Variants in ODAD2 observed in about 807,000 individuals in gnomAD.
The protein encoded by ODAD2 is outer dynein arm docking complex subunit 2.
A neutral mutation model predicts 106.8 loss-of-function variants in ODAD2; 89 were observed. The observed-to-expected ratio is 0.83, with a 90% confidence interval of 0.70 to 0.99. ODAD2 has a LOEUF of 0.99. Among genes scored for constraint, ODAD2 ranks in the 50% least tolerant of loss-of-function variants. The pLI is 0.00. For synonymous variants in ODAD2, 404 were observed against 436.2 expected (o/e 0.93, Z 0.92); for missense variants, 1,168 against 1,238.5 (o/e 0.94, Z 0.85).
At chr10:27,825,591 G>A (rs1564400057) in intron 19 of ODAD2, among the ~76,000 whole-genome samples, 1 of 152,144 alleles carries the variant, frequency 6.6e-6, no homozygotes, top group Non-Finnish European at 1.5e-5. Context: ...AAAATGTTTT[G>A]GTTTGGTTGT....
At chr10:27,881,983 T>C (rs184474784) in intron 17 of ODAD2, among the ~76,000 whole-genome samples, 89 of 151,978 alleles carry the variant, frequency 5.9e-4, no homozygotes, top group African/African-American at 1.9e-3. Flanking sequence ...CTCGACAACA[T>C]GGTGAAACCC....
At chr10:27,925,365 A>G (rs1845183177) in intron 16 of ODAD2, among the ~76,000 whole-genome samples, 1 of 152,198 alleles carries the variant, frequency 6.6e-6, no homozygotes, top group South Asian at 2.1e-4. Flanking sequence ...CACTTTTTAA[A>G]AAATGTTTTT....
chr10:27,854,034 C>T (rs1208382228), intron 19 of ODAD2, among the ~76,000 whole-genome samples: 1 of 152,022 alleles, frequency 6.6e-6, no homozygotes, highest in East Asian at 1.9e-4. Flanking sequence ...CTCTCAAAAC[C>T]CAATGATAAG....
chr10:27,858,551 T>C (rs960935610), intron 19 of ODAD2, among the ~76,000 whole-genome samples: 1 of 152,220 alleles, frequency 6.6e-6, no homozygotes, highest in East Asian at 1.9e-4. Flanking sequence ...TTTCCTTCTT[T>C]GCTTTTTTCT....
intron 10 of ODAD2, chr10:27,959,103 A>C: frequency 1.1e-6 from 1 of 943,306 alleles, no homozygotes; most frequent in African/African-American, 1.7e-5. Context: ...TTGGGAGGCC[A>C]ATGTAGGAAG....
At chr10:27,904,269 C>G in intron 17 of ODAD2, 1 of 404,864 alleles carries the variant, frequency 2.5e-6, no homozygotes, top group Non-Finnish European at 5.0e-6. Flanking sequence ...GCACCAACCC[C>G]ACAAAGTGGC....
chr10:27,856,788 G>A (rs1839684468), intron 19 of ODAD2, among the ~76,000 whole-genome samples: 1 of 152,114 alleles, frequency 6.6e-6, no homozygotes, highest in Admixed American at 6.6e-5. Flanking sequence ...CCAACATGGT[G>A]AAACCCTGTC....
chr10:27,902,551 C>G (rs898166700), intron 17 of ODAD2, among the ~76,000 whole-genome samples: 1 of 151,816 alleles, frequency 6.6e-6, no homozygotes, highest in Non-Finnish European at 1.5e-5. Flanking sequence ...AGACTGCTAG[C>G]AAGACTAATA....
At chr10:27,867,207 T>G (rs559722361) in intron 17 of ODAD2, among the ~76,000 whole-genome samples, 2 of 152,158 alleles carry the variant, frequency 1.3e-5, no homozygotes, top group East Asian at 3.9e-4. Flanking sequence ...GAGGCATTTG[T>G]GAAGGTCTTG....
intron 17 of ODAD2, among the ~76,000 whole-genome samples, chr10:27,879,990 G>GAAT (rs1841593586): frequency 6.6e-6 from 1 of 152,132 alleles, no homozygotes. Context: ...TCCAGATGTG[G>GAAT]TCCGACAAGA....
intron 15 of ODAD2, 88 bp from the exon 16 acceptor site, chr10:27,935,340 C>A: frequency 1.4e-6 from 2 of 1,472,176 alleles, no homozygotes; most frequent in South Asian, 2.5e-5. Context: ...TTACAACAAC[C>A]CAATGATACA....
chr10:27,858,803 A>ATTTTTTT (rs9299592), intron 19 of ODAD2, among the ~76,000 whole-genome samples: 1 of 128,792 alleles, frequency 7.8e-6, no homozygotes, highest in Admixed American at 8.4e-5. Flanking sequence ...ACCTTAGTAC[A>ATTTTTTT]TTTTTTTTTT....
rs745364784 is a variant in ODAD2, at chr10:27,812,553, G to A, written c.3094C>T (p.Arg1032Cys). ...TTCTCTGTAGCAAGAGCCAGCCTGC[G>A]GATATTGGATATACAACCAGCTGCA... ...EAAAGCISNIRRLALATEKAR... is the reference protein window; with the variant it reads ...EAAAGCISNICRLALATEKAR... Residue 1032 changes from arginine to cysteine, a missense_variant, in exon 20 of 20, where the codon CGC (arginine) becomes TGC (cysteine). This residue lies in a region of ODAD2 where 701 missense variants were observed against 712.3 expected (regional missense o/e 0.98). Transcript: ENST00000305242. The A allele has an allele frequency of 2.3e-5, 37 of 1,613,144 alleles. No individual in the cohort carries two copies. The highest frequency in any genetic ancestry group is 1.6e-4 in the Middle Eastern group (1 of 6,080).
intron 19 of ODAD2, among the ~76,000 whole-genome samples, chr10:27,827,932 T>A (rs1001118224): frequency 6.6e-6 from 1 of 152,144 alleles, no homozygotes; most frequent in African/African-American, 2.4e-5. Flanking sequence ...TTGTGCTACT[T>A]TAAAAGTTCT....
intron 8 of ODAD2, among the ~76,000 whole-genome samples, chr10:27,969,662 G>C (rs1429942806): frequency 6.6e-6 from 1 of 152,200 alleles, no homozygotes; most frequent in Non-Finnish European, 1.5e-5. Context: ...AGCTCTCTGG[G>C]TTTGCTTCCA....
intron 16 of ODAD2, among the ~76,000 whole-genome samples, chr10:27,920,714 A>G (rs1844714476): frequency 6.6e-6 from 1 of 152,224 alleles, no homozygotes; most frequent in Non-Finnish European, 1.5e-5. Flanking sequence ...TTTTGCATAA[A>G]CCCTGAAAGG....
intron 19 of ODAD2, among the ~76,000 whole-genome samples, chr10:27,824,318 G>A (rs1204427458): frequency 1.3e-5 from 2 of 152,110 alleles, no homozygotes; most frequent in African/African-American, 4.8e-5. Flanking sequence ...AAGAAGTGGG[G>A]CCTTTAAGAA....
At chr10:27,873,742 C>A (rs1346013531) in intron 17 of ODAD2, among the ~76,000 whole-genome samples, 1 of 152,108 alleles carries the variant, frequency 6.6e-6, no homozygotes, top group Non-Finnish European at 1.5e-5. Context: ...AATTTCTGTT[C>A]TTTTACATTT....
intron 10 of ODAD2, among the ~76,000 whole-genome samples, chr10:27,951,349 T>C (rs960574703): frequency 1.3e-5 from 2 of 152,230 alleles, no homozygotes; most frequent in East Asian, 3.9e-4. Flanking sequence ...CTACCAAATA[T>C]CAAAATATAC....
Sources: gnomAD v4.1 joint callset for allele counts (sites outside exome capture counted in the v4.1 genomes callset) on GRCh38, gnomAD v4.1.1 for gene constraint, gnomAD v4.1.1 regional missense constraint, MANE v1.5 for transcripts, NCBI Gene and HGNC (gene_info 2026-07-23, HGNC 2026-07-21) for gene names.